The following CNNM2 variants were observed in gnomAD, a reference collection of about 807,000 sequenced individuals.
The protein encoded by CNNM2 is metal transporter CNNM2.
In CNNM2, 12 loss-of-function variants were observed where a neutral mutation model predicts 66.9. The observed-to-expected ratio is 0.18, with a 90% confidence interval of 0.11 to 0.29. CNNM2 has a LOEUF of 0.29. Ranked by LOEUF, CNNM2 falls within the 10% of genes least tolerant of loss-of-function variation. The probability of loss-of-function intolerance (pLI) is 1.00; values close to 1 mark genes in which losing one functional copy is unlikely to be tolerated. For synonymous variants in CNNM2, 557 were observed against 501.8 expected (o/e 1.11, Z -1.47); for missense variants, 705 against 1,167.7 (o/e 0.60, Z 5.77).
chr10:103,074,561 G>A (rs1282376786), intron 6 of CNNM2, among the ~76,000 whole-genome samples: 4 of 151,846 alleles, frequency 2.6e-5, no homozygotes, highest in Admixed American at 2.6e-4. Flanking sequence ...GGCCAGGCAC[G>A]GTGGCTCACG....
At chr10:103,064,993 A>G (rs562851562) in intron 4 of CNNM2, among the ~76,000 whole-genome samples, 1 of 152,212 alleles carries the variant, frequency 6.6e-6, no homozygotes, top group South Asian at 2.1e-4. Context: ...TGAGCTTAGC[A>G]TATCCACCCC....
chr10:103,001,830 C>T (rs1688409573), intron 1 of CNNM2, among the ~76,000 whole-genome samples: 1 of 148,768 alleles, frequency 6.7e-6, no homozygotes, highest in Admixed American at 6.7e-5. Context: ...ATGGTGAAAC[C>T]CCCTGTATAC....
chr10:102,923,605 G>T (rs1224298759), intron 1 of CNNM2, among the ~76,000 whole-genome samples: 1 of 152,132 alleles, frequency 6.6e-6, no homozygotes, highest in East Asian at 1.9e-4. Context: ...TTGGGCAATA[G>T]AAAAGAAATG....
chr10:102,977,535 T>C (rs1303139907), intron 1 of CNNM2, among the ~76,000 whole-genome samples: 2 of 152,174 alleles, frequency 1.3e-5, no homozygotes, highest in Non-Finnish European at 2.9e-5. Context: ...AAAATTGTGT[T>C]ATTGGCTGGG....
At chr10:102,991,419 T>G (rs1424053402) in intron 1 of CNNM2, among the ~76,000 whole-genome samples, 1 of 152,224 alleles carries the variant, frequency 6.6e-6, no homozygotes, top group African/African-American at 2.4e-5. Flanking sequence ...ATATTTATTT[T>G]TAGTAATATT....
chr10:102,931,900 G>A (rs996036006), intron 1 of CNNM2, among the ~76,000 whole-genome samples: 2 of 149,600 alleles, frequency 1.3e-5, no homozygotes, highest in African/African-American at 4.9e-5. Context: ...GTATCTCATC[G>A]TGGTTTTGAT....
At position 102,971,598 on chromosome 10, in the gene CNNM2, A is replaced by C. The variant is rs1481605537; in HGVS notation, c.1621+51497A>C. ...TTTCAGAAATGAAACTGCAGTGTAC[A>C]TTTTGTTTTAAAATGAAGGTTTTTC... On this transcript the variant is annotated intron_variant, in intron 1 of 7. Coordinates refer to ENST00000369878, the MANE Select transcript of CNNM2 (RefSeq NM_017649.5). Among the ~76,000 whole-genome samples the C allele has an allele frequency of 2.6e-5, 4 of 151,982 alleles. No homozygotes were observed. In the East Asian group the frequency reaches 7.7e-4, roughly 29 times the overall value.
Position 103,067,039 on chromosome 10 carries a change from C to A in CNNM2, c.2074-1590C>A, listed in dbSNP as rs536139707. On this transcript the variant is annotated intron_variant, in intron 4 of 7. Coordinates refer to ENST00000369878, the MANE Select transcript of CNNM2 (RefSeq NM_017649.5). ...TCCTGAAGCTATGGCCCAAGAAAGA[C>A]CTTTTGTAATTGGAAACTTAATATA... is the stretch of plus-strand genomic sequence containing the variant. Among the ~76,000 whole-genome samples the A allele has an allele frequency of 2.0e-4, 31 of 152,080 alleles. 1 individual carries two copies. The highest frequency in any genetic ancestry group is 3.5e-4 in the Non-Finnish European group (24 of 68,018).
chr10:103,009,470 T>C (rs2064294366), intron 1 of CNNM2, among the ~76,000 whole-genome samples: 1 of 151,776 alleles, frequency 6.6e-6, no homozygotes, highest in Admixed American at 6.6e-5. Flanking sequence ...GGTGGGAATA[T>C]CGCTTGAGCC....
chr10:102,958,125 G>A (rs1314922846), intron 1 of CNNM2, among the ~76,000 whole-genome samples: 3 of 152,030 alleles, frequency 2.0e-5, no homozygotes, highest in African/African-American at 7.2e-5. Context: ...TAGTAGAGAC[G>A]GGGTTTCTCC....
chr10:103,025,335 C>T (rs2064681083), intron 1 of CNNM2, among the ~76,000 whole-genome samples: 1 of 152,156 alleles, frequency 6.6e-6, no homozygotes, highest in African/African-American at 2.4e-5. Context: ...GTGATCCACC[C>T]ACCTCGGCCT....
At chr10:102,994,974 C>G (rs1457076252) in intron 1 of CNNM2, among the ~76,000 whole-genome samples, 1 of 152,068 alleles carries the variant, frequency 6.6e-6, no homozygotes. Flanking sequence ...CAATGCCAAT[C>G]GACCAAATGT....
At chr10:103,029,116 C>T (rs1247222699) in intron 1 of CNNM2, among the ~76,000 whole-genome samples, 4 of 151,878 alleles carry the variant, frequency 2.6e-5, no homozygotes, top group Middle Eastern at 3.4e-3. Context: ...GCCACCGTGC[C>T]CGGCCCCCAC....
intron 1 of CNNM2, among the ~76,000 whole-genome samples, chr10:103,039,125 C>G (rs1250319440): frequency 2.0e-5 from 3 of 151,966 alleles, no homozygotes; most frequent in Non-Finnish European, 4.4e-5. Flanking sequence ...TTGATTATAG[C>G]TCGTGTTCTA....
At chr10:103,041,670 C>T (rs1210833551) in intron 1 of CNNM2, among the ~76,000 whole-genome samples, 1 of 152,210 alleles carries the variant, frequency 6.6e-6, no homozygotes, top group Non-Finnish European at 1.5e-5. Flanking sequence ...CATCTTCTGT[C>T]GCCAAAATCA....
At chr10:102,969,370 C>T (rs964316896) in intron 1 of CNNM2, among the ~76,000 whole-genome samples, 7 of 151,910 alleles carry the variant, frequency 4.6e-5, no homozygotes, top group Non-Finnish European at 8.8e-5. Context: ...CCTGCCACCA[C>T]GCCTAGCTAA....
chr10:102,998,140 C>T (rs774600058), intron 1 of CNNM2, among the ~76,000 whole-genome samples: 1 of 152,040 alleles, frequency 6.6e-6, no homozygotes, highest in Non-Finnish European at 1.5e-5. Context: ...AGGATTAGTC[C>T]CTTAGACTGA....
intron 1 of CNNM2, among the ~76,000 whole-genome samples, chr10:103,040,537 G>A (rs2065021907): frequency 6.6e-6 from 1 of 152,170 alleles, no homozygotes. Flanking sequence ...ATGTTATGGT[G>A]AGTAAGTCTT....
rs956561567 is a variant in CNNM2, at chr10:102,921,567, GA to G, written c.1621+1470del. On this transcript the variant is annotated intron_variant, in intron 1 of 7. Coordinates refer to ENST00000369878, the MANE Select transcript of CNNM2 (RefSeq NM_017649.5). ...CTTCTGGTTTCTTAAATAGTAAAAAGAAAATGTCCAGTATCTCTAGGTGACA... is the reference window on the plus strand; with the variant it reads ...CTTCTGGTTTCTTAAATAGTAAAAAGAAATGTCCAGTATCTCTAGGTGACA... 3.3e-5 allele frequency among the ~76,000 whole-genome samples: 5 copies of G among 152,156 alleles called. 1 individual carries two copies. Among genetic ancestry groups the G allele is most frequent in the African/African-American group, 1.2e-4 (5 of 41,442 alleles).
Sources: gnomAD v4.1 joint callset for allele counts (sites outside exome capture counted in the v4.1 genomes callset) on GRCh38, gnomAD v4.1.1 for gene constraint, MANE v1.5 for transcripts, NCBI Gene and HGNC (gene_info 2026-07-23, HGNC 2026-07-21) for gene names.